The following GIPR variants were observed in gnomAD, a reference collection of about 807,000 sequenced individuals.
GIPR encodes gastric inhibitory polypeptide receptor, also known as GIP-R.
GIPR carries 74 observed loss-of-function variants against 62.2 expected under a neutral mutation model. That is an observed-to-expected ratio of 1.19 (90% CI 0.99 to 1.44). The LOEUF (loss-of-function observed/expected upper bound fraction) is 1.44, where lower values mean the gene tolerates loss of function less well. GIPR is among the 40% of genes most tolerant of loss of function. GIPR has a pLI of 0.00. For synonymous variants in GIPR, 256 were observed against 262.2 expected, an observed-to-expected ratio of 0.98 and a Z score of 0.23; for missense variants, 664 against 611.8, an observed-to-expected ratio of 1.09 and a Z score of -0.90.
chr19:45,676,913 G>T (rs1217497725), intron 7 of GIPR, 36 bp from the exon 8 acceptor site: 1 of 1,604,806 alleles, frequency 6.2e-7, no homozygotes, highest in South Asian at 1.1e-5. Context: ...CCCGGGCAGC[G>T]CTGACTACCC....
chr19:45,672,761 C>T, intron 4 of GIPR, 90 bp from the exon 5 acceptor site: 4 of 770,614 alleles, frequency 5.2e-6, no homozygotes, highest in Non-Finnish European at 9.3e-6. Context: ...CACTTCGGCT[C>T]TCTCCCTCTC....
intron 5 of GIPR, among the ~76,000 whole-genome samples, chr19:45,673,594 G>A (rs964494116): frequency 1.3e-5 from 2 of 150,934 alleles, no homozygotes; most frequent in Admixed American, 1.3e-4. Flanking sequence ...GGCCAGGAGT[G>A]GTGGCTCATG....
At chr19:45,680,892 A>C (rs891034881) in intron 12 of GIPR, among the ~76,000 whole-genome samples, 1 of 151,740 alleles carries the variant, frequency 6.6e-6, no homozygotes, top group Non-Finnish European at 1.5e-5. Context: ...ATCACCCTAA[A>C]TTTTCACAAC....
At chr19:45,669,245 G>A (rs887110717) in intron 1 of GIPR, among the ~76,000 whole-genome samples, 31 of 152,200 alleles carry the variant, frequency 2.0e-4, no homozygotes, top group Admixed American at 1.6e-3. Flanking sequence ...GGGGAGGCCG[G>A]GGAATCACTT....
At position 45,682,376 on chromosome 19, in the gene GIPR, A is replaced by C. The variant is rs1287398656; in HGVS notation, c.*441A>C. Reference sequence around the variant, plus strand: ...GACAGAGAAGTGGGCAGGGGCACCCAAGTTGGGATTTCATTTCAGGTGCAT... The same window carrying C: ...GACAGAGAAGTGGGCAGGGGCACCCCAGTTGGGATTTCATTTCAGGTGCAT... On this transcript the variant is annotated 3_prime_UTR_variant, in exon 14 of 14. Coordinates refer to ENST00000590918, the MANE Select transcript of GIPR (RefSeq NM_000164.4). 1 of 170,796 alleles carries C rather than the reference A, an allele frequency of 5.9e-6. No homozygotes were observed. The allele number at this position is 170,796 out of a possible 1,614,324, so 10.6% of individuals were successfully genotyped here.
chr19:45,669,054 TAG>T (rs1329480959), intron 1 of GIPR, among the ~76,000 whole-genome samples: 1 of 152,102 alleles, frequency 6.6e-6, no homozygotes, highest in Non-Finnish European at 1.5e-5. Context: ...CAGTTCCCCA[TAG>T]AAAAGGGGTC....
Position 45,674,679 on chromosome 19 carries a change from T to C in GIPR, c.489-3T>C. 1.2e-6 allele frequency: 2 copies of C among 1,613,800 alleles called. No individual in the cohort carries two copies. Among genetic ancestry groups the C allele is most frequent in the Non-Finnish European group, 1.7e-6 (2 of 1,179,900 alleles). ...CCCCACACTGCCTTCCAAATTCCCC[T>C]AGGCGGCTACATTGCACTAGAAACT... On this transcript the variant is annotated splice_polypyrimidine_tract_variant and splice_region_variant and intron_variant, in intron 6 of 13. Transcript: ENST00000590918.
rs763766830 is a variant in GIPR, at chr19:45,672,893, A to C, written c.323A>C (p.Gln108Pro). The C allele has an allele frequency of 6.2e-7, 1 of 1,613,608 alleles. No individual in the cohort carries two copies. Among genetic ancestry groups the C allele is most frequent in the Non-Finnish European group, 8.5e-7 (1 of 1,179,558 alleles). Residue 108 changes from glutamine (Q) to proline (P), a missense_variant, in exon 5 of 14, where the codon CAA becomes CCA. Transcript: ENST00000590918. ...CTCCGCCAGTGTGGCAGTGATGGCC[A>C]ATGGGGACTTTGGAGAGACCATACA... ...FVLRQCGSDG[Q>P]WGLWRDHTQC...
intron 8 of GIPR, 28 bp from the exon 9 acceptor site, chr19:45,677,295 T>TG (rs955667426): frequency 3.6e-5 from 33 of 914,802 alleles, no homozygotes; most frequent in Middle Eastern, 3.9e-4. Context: ...TGCGGCGGGG[T>TG]GGGGGGGCGG....
chr19:45,678,325 G>A (rs1163001927), intron 12 of GIPR, 99 bp downstream of exon 12: 1 of 1,313,000 alleles, frequency 7.6e-7, no homozygotes. Context: ...GCCACTGAAT[G>A]GGGTGGGAAG....
rs756114577 is a variant in GIPR at position 45,669,480 on chromosome 19, T to C, written c.-41T>C. 49 of 1,551,588 alleles carry C rather than the reference T, an allele frequency of 3.2e-5. No individual in the cohort carries two copies. Among genetic ancestry groups the C allele is most frequent in the Non-Finnish European group, 4.1e-5 (47 of 1,151,468 alleles). On this transcript the variant is annotated 5_prime_UTR_variant, in exon 2 of 14. Coordinates refer to ENST00000590918, the MANE Select transcript of GIPR (RefSeq NM_000164.4). ...ACCTTGCCCTGGGACCCTCCAGGCC[T>C]GATCGCCCCTGCACGAACCAGACCC... is the stretch of plus-strand genomic sequence containing the variant.
At chr19:45,681,027 G>A (rs569130885) in intron 12 of GIPR, among the ~76,000 whole-genome samples, 2 of 152,218 alleles carry the variant, frequency 1.3e-5, no homozygotes, top group African/African-American at 4.8e-5. Context: ...CACCTCCAGG[G>A]TCCACAGTTC....
Position 45,670,671 on chromosome 19 carries a change from C to A in GIPR, c.109C>A (p.Gln37Lys). The A allele has an allele frequency of 6.2e-7, 1 of 1,613,480 alleles. No homozygotes were observed. Among genetic ancestry groups the A allele is most frequent in the Non-Finnish European group, 8.5e-7 (1 of 1,179,834 alleles). The change falls in exon 3 of 14, where the codon CAG becomes AAG. Residue 37 changes from glutamine (Q) to lysine (K), a missense_variant. Gln to Lys is a moderately conservative substitution (Grantham distance 53). Coordinates refer to ENST00000590918, the MANE Select transcript of GIPR (RefSeq NM_000164.4). ...GGGGCAGACGGCGGGGGAGCTGTACCAGCGCTGGGAACGGTACCGCAGGGA... is the reference window on the plus strand; with the variant it reads ...GGGGCAGACGGCGGGGGAGCTGTACAAGCGCTGGGAACGGTACCGCAGGGA... ...SKGQTAGELY[Q>K]RWERYRRECQ...
At chr19:45,681,238 T>C (rs1165355006) in intron 12 of GIPR, among the ~76,000 whole-genome samples, 1 of 152,156 alleles carries the variant, frequency 6.6e-6, no homozygotes, top group African/African-American at 2.4e-5. Flanking sequence ...CTCATGCCTG[T>C]AATCTCAGCA....
chr19:45,678,768 G>T (rs988151693), intron 12 of GIPR, among the ~76,000 whole-genome samples: 1 of 152,268 alleles, frequency 6.6e-6, no homozygotes, highest in East Asian at 1.9e-4. Context: ...CTGCCTGCTA[G>T]TGAAGAGTGA....
intron 3 of GIPR, 139 bp from the exon 4 acceptor site, chr19:45,671,145 CG>C: frequency 1.5e-6 from 1 of 689,082 alleles, no homozygotes; most frequent in Non-Finnish European, 2.6e-6. Flanking sequence ...TCCGAGTGGG[CG>C]GGGCTAGAGC....
Position 45,670,504 on chromosome 19 carries a change from GC to G in GIPR, c.73-130del, listed in dbSNP as rs1975476078. On this transcript the variant is annotated intron_variant, in intron 2 of 13. Coordinates refer to ENST00000590918, the MANE Select transcript of GIPR (RefSeq NM_000164.4). ...CCCAAGACTTGGAACTGGTTTCCAA[GC>G]TACCCAAGACTCCCGAACAACACGC... The G allele has an allele frequency of 6.6e-6, 4 of 606,766 alleles. No homozygotes were observed. The African/African-American group carries it at 7.4e-5, about 11-fold the overall frequency. The allele number at this position is 606,766 out of a possible 1,614,324, so 37.6% of individuals were successfully genotyped here. A position where few individuals can be genotyped will look rare whatever the true frequency, so the allele number is the denominator to read the frequency against.
chr19:45,677,737 C>G lies in GIPR; in HGVS notation c.882C>G (p.Ala294=), dbSNP rs1967026287. The change falls in exon 10 of 14, where the codon GCC becomes GCG. Residue 294 remains alanine (A), a synonymous_variant. Coordinates refer to ENST00000590918, the MANE Select transcript of GIPR (RefSeq NM_000164.4). Reference sequence around the variant, plus strand: ...GCTGGGAGCGCAACGAAGTCAAGGCCATTTGGTGGATTATACGGACCCCCA... The same window carrying G: ...GCTGGGAGCGCAACGAAGTCAAGGCGATTTGGTGGATTATACGGACCCCCA... ...TQCWERNEVK[A]IWWIIRTPIL... The G allele has an allele frequency of 6.2e-7, 1 of 1,613,576 alleles. No homozygotes were observed. The highest frequency in any genetic ancestry group is 8.5e-7 in the Non-Finnish European group (1 of 1,179,708).
In GIPR at chr19:45,674,070, C is replaced by T. The variant is rs963936856; in HGVS notation, c.385-4C>T. On this transcript the variant is annotated splice_region_variant and splice_polypyrimidine_tract_variant and intron_variant, in intron 5 of 13. Coordinates refer to ENST00000590918, the MANE Select transcript of GIPR (RefSeq NM_000164.4). ...TGTTCCCTTCCCCTTCTTGCCCCGA[C>T]CAGGACCAAAGGCTCATCTTGGAGC... The T allele has an allele frequency of 6.3e-7, 1 of 1,594,298 alleles. No individual in the cohort carries two copies. The highest frequency in any genetic ancestry group is 1.3e-5 in the African/African-American group (1 of 74,460).
Sources: gnomAD v4.1 joint callset for allele counts (sites outside exome capture counted in the v4.1 genomes callset) on GRCh38, gnomAD v4.1.1 for gene constraint, MANE v1.5 for transcripts, NCBI Gene and HGNC (gene_info 2026-07-23, HGNC 2026-07-21) for gene names.